C12orf42: variants seen among roughly 807,000 people sequenced by gnomAD.
The protein encoded by C12orf42 is chromosome 12 open reading frame 42.
In C12orf42, 25 loss-of-function variants were observed where a neutral mutation model predicts 21.6. The ratio of observed to expected loss-of-function variants is 1.16; its 90% CI spans 0.84 to 1.62. C12orf42 has a LOEUF of 1.62. Ranked by LOEUF, C12orf42 falls within the 40% of genes most tolerant of loss-of-function variation. The probability of loss-of-function intolerance (pLI) is 0.00; values close to 1 mark genes in which losing one functional copy is unlikely to be tolerated. For missense variants in C12orf42, 483 were observed against 459.3 expected (o/e 1.05, Z -0.47); for synonymous variants, 174 against 175.0 (o/e 0.99, Z 0.05).
chr12:103,421,082 G>A (rs995974584), intron 2 of C12orf42, among the ~76,000 whole-genome samples: 6 of 152,112 alleles, frequency 3.9e-5, no homozygotes, highest in African/African-American at 1.4e-4. Context: ...GTGTGGTTGG[G>A]AATGTTGTCC....
intron 2 of C12orf42, among the ~76,000 whole-genome samples, chr12:103,450,303 G>T (rs139067700): frequency 1.3e-5 from 2 of 151,986 alleles, no homozygotes; most frequent in Non-Finnish European, 2.9e-5. Context: ...TTTCTGCACT[G>T]TCCTTTTAAT....
chr12:103,142,202 T>G, the C12orf42 span, among the ~76,000 whole-genome samples: 1 of 152,222 alleles, frequency 6.6e-6, no homozygotes, highest in Non-Finnish European at 1.5e-5. Context: ...AGTTGTTGTC[T>G]CTAGTGAACT....
the C12orf42 span, among the ~76,000 whole-genome samples, chr12:103,215,695 G>A: frequency 1.3e-5 from 2 of 152,318 alleles, no homozygotes; most frequent in Admixed American, 6.5e-5. Flanking sequence ...CAGCCCATCT[G>A]AATGATCAAG....
At chr12:103,356,585 C>T (rs1566142188) in intron 4 of C12orf42, among the ~76,000 whole-genome samples, 1 of 151,666 alleles carries the variant, frequency 6.6e-6, no homozygotes, top group African/African-American at 2.4e-5. Flanking sequence ...TTCTAGATCC[C>T]TGAGGAATTG....
the C12orf42 span, among the ~76,000 whole-genome samples, chr12:103,170,440 T>C: frequency 1.3e-5 from 2 of 152,144 alleles, no homozygotes; most frequent in East Asian, 3.8e-4. Flanking sequence ...AAATTACATC[T>C]ATTTTCAAGT....
the C12orf42 span, among the ~76,000 whole-genome samples, chr12:103,196,186 T>C: frequency 6.6e-6 from 1 of 152,196 alleles, no homozygotes; most frequent in Admixed American, 6.5e-5. Context: ...ATTTCATTAT[T>C]TATTCAAAAG....
At chr12:103,188,216 G>A in the C12orf42 span, among the ~76,000 whole-genome samples, 1 of 152,120 alleles carries the variant, frequency 6.6e-6, no homozygotes, top group Non-Finnish European at 1.5e-5. Context: ...AAAAGATAAT[G>A]TTTCTTTCTT....
At chr12:103,226,036 G>A in the C12orf42 span, among the ~76,000 whole-genome samples, 2 of 152,220 alleles carry the variant, frequency 1.3e-5, no homozygotes, top group Non-Finnish European at 2.9e-5. Flanking sequence ...CAGGTGAGTT[G>A]AACAGTCCAA....
chr12:103,435,047 G>T (rs1376257530), intron 2 of C12orf42, among the ~76,000 whole-genome samples: 1 of 152,146 alleles, frequency 6.6e-6, no homozygotes, highest in African/African-American at 2.4e-5. Context: ...CACGCAGCTG[G>T]AGATCTGAGA....
At chr12:103,244,516 T>A (rs1432131931) in intron 10 of C12orf42, among the ~76,000 whole-genome samples, 1 of 147,366 alleles carries the variant, frequency 6.8e-6, no homozygotes, top group African/African-American at 2.5e-5. Context: ...CAACTGTAAA[T>A]ATTCCTCTTT....
chr12:103,333,842 T>A (rs1231631164), intron 4 of C12orf42, among the ~76,000 whole-genome samples: 1 of 152,208 alleles, frequency 6.6e-6, no homozygotes, highest in African/African-American at 2.4e-5. Flanking sequence ...TTTCTCTTTG[T>A]GGGGAGTTAG....
At position 103,305,989 on chromosome 12, in the gene C12orf42, G is replaced by T; in HGVS notation, c.616C>A (p.Pro206Thr). The T allele has an allele frequency of 1.2e-6, 2 of 1,601,920 alleles. No homozygotes were observed. The highest frequency in any genetic ancestry group is 2.2e-5 in the South Asian group (2 of 90,458). The change falls in exon 5 of 6, where the codon CCC becomes ACC. Residue 206 changes from proline (P) to threonine (T), a missense_variant. Physicochemically the swap from Pro to Thr is conservative, Grantham distance 38. Transcript: ENST00000548883. Reference protein sequence around the residue: ...TRPKGQPLSSPKKNSGSAARP... With the variant: ...TRPKGQPLSSTKKNSGSAARP... ...TGATACTTACCAGAATTTTTCTTGG[G>T]ACTGCTCAAGGGCTGGCCCTTAGGT...
At chr12:103,306,835 G>T (rs2038390432) in intron 4 of C12orf42, among the ~76,000 whole-genome samples, 1 of 152,148 alleles carries the variant, frequency 6.6e-6, no homozygotes, top group Non-Finnish European at 1.5e-5. Flanking sequence ...CTGGATTAGG[G>T]TGAGCCATAA....
the C12orf42 span, among the ~76,000 whole-genome samples, chr12:103,092,897 T>C: frequency 1.3e-5 from 2 of 152,164 alleles, no homozygotes; most frequent in African/African-American, 2.4e-5. Context: ...ACCTGTGTGA[T>C]GCGCCACCAT....
At chr12:103,115,462 CACTA>C in the C12orf42 span, among the ~76,000 whole-genome samples, 1 of 152,160 alleles carries the variant, frequency 6.6e-6, no homozygotes, top group Non-Finnish European at 1.5e-5. Flanking sequence ...ATTGTGTAGA[CACTA>C]AAGTAAAATC....
intron 2 of C12orf42, chr12:103,477,965 T>G: frequency 5.5e-6 from 1 of 180,396 alleles, no homozygotes; most frequent in South Asian, 1.2e-4. Flanking sequence ...GTGAAAAGTT[T>G]GTCTTCAGTT....
the C12orf42 span, chr12:103,081,550 G>A: frequency 3.7e-4 from 56 of 152,202 alleles, no homozygotes; most frequent in African/African-American, 1.3e-3. Context: ...GAAAAAGAAT[G>A]CATGAAAGGT....
At chr12:103,521,170 C>T in the C12orf42 span, among the ~76,000 whole-genome samples, 4 of 152,184 alleles carry the variant, frequency 2.6e-5, no homozygotes, top group Non-Finnish European at 4.4e-5. Context: ...TCTGAGATGG[C>T]TCCAGCACCT....
At chr12:103,140,843 G>GAC in the C12orf42 span, among the ~76,000 whole-genome samples, 15 of 151,392 alleles carry the variant, frequency 9.9e-5, no homozygotes, top group South Asian at 2.1e-4. Context: ...CACACACACA[G>GAC]ACACACACAC....
Sources: allele counts gnomAD v4.1 joint callset (sites outside exome capture counted in the v4.1 genomes callset), GRCh38; gene constraint gnomAD v4.1.1; transcripts MANE v1.5; gene names NCBI Gene and HGNC (gene_info 2026-07-23, HGNC 2026-07-21).